FAM161A: variants seen among roughly 807,000 people sequenced by gnomAD.
The protein encoded by FAM161A is FAM161 centrosomal protein A.
In FAM161A, 57 loss-of-function variants were observed where a neutral mutation model predicts 70.9. That is an observed-to-expected ratio of 0.80 (90% CI 0.65 to 1.00). The LOEUF (loss-of-function observed/expected upper bound fraction) is 1.00, where lower values mean the gene tolerates loss of function less well. FAM161A is among the 50% of genes least tolerant of loss of function. The pLI is 0.00. For synonymous variants in FAM161A, 299 were observed against 295.7 expected (o/e 1.01, Z -0.12); for missense variants, 880 against 836.0 (o/e 1.05, Z -0.65).
At chr2:61,801,369 C>CTT in the FAM161A span, among the ~76,000 whole-genome samples, 1 of 151,174 alleles carries the variant, frequency 6.6e-6, no homozygotes, top group Non-Finnish European at 1.5e-5. Context: ...TGGTAGCAGG[C>CTT]GCCTGTAATC....
Position 61,836,051 on chromosome 2 carries a change from T to C in FAM161A, c.1810A>G (p.Lys604Glu). 6.2e-7 allele frequency: 1 copy of C among 1,611,954 alleles called. No homozygotes were observed. Among genetic ancestry groups the C allele is most frequent in the South Asian group, 1.1e-5 (1 of 90,278 alleles). ...AATAGCAGTGGCCTCTTTTTTAATTTTTCTTCTCTTTCTTCTAGTTCTCGT... is the reference window on the plus strand; with the variant it reads ...AATAGCAGTGGCCTCTTTTTTAATTCTTCTTCTCTTTCTTCTAGTTCTCGT... ...YQRELEEREE[K>E]LKKRPLLFER... Residue 604 changes from lysine (K) to glutamate (E), a missense_variant, in exon 5 of 7, where the codon AAA becomes GAA. Physicochemically the swap from Lys to Glu is moderately conservative, Grantham distance 56. Transcript: ENST00000404929.
At chr2:61,807,537 C>A in the FAM161A span, among the ~76,000 whole-genome samples, 2 of 151,134 alleles carry the variant, frequency 1.3e-5, no homozygotes, top group Non-Finnish European at 2.9e-5. Context: ...AGCTCAGATG[C>A]TTGCTGGGCC....
chr2:61,808,562 G>T, the FAM161A span, among the ~76,000 whole-genome samples: 1 of 152,158 alleles, frequency 6.6e-6, no homozygotes, highest in African/African-American at 2.4e-5. Flanking sequence ...ATGAGCCACC[G>T]TGCCTGGCCG....
the FAM161A span, among the ~76,000 whole-genome samples, chr2:61,810,767 C>T: frequency 2.0e-5 from 3 of 152,014 alleles, no homozygotes; most frequent in Admixed American, 2.0e-4. Context: ...CCCTGGTCCC[C>T]AGCACTTCTG....
chr2:61,830,683 C>CAAAAA (rs10633119), intron 5 of FAM161A, among the ~76,000 whole-genome samples: 5 of 82,106 alleles, frequency 6.1e-5, no homozygotes, highest in Non-Finnish European at 8.9e-5. Flanking sequence ...GACCCTGTCT[C>CAAAAA]AAAAAAAAAA....
intron 5 of FAM161A, among the ~76,000 whole-genome samples, chr2:61,830,751 T>TC (rs1033984346): frequency 2.5e-4 from 37 of 147,116 alleles, no homozygotes; most frequent in Non-Finnish European, 3.9e-4. Flanking sequence ...CAAATGATCC[T>TC]CCCCCCCTCA....
chr2:61,802,517 G>C, the FAM161A span, among the ~76,000 whole-genome samples: 1 of 152,070 alleles, frequency 6.6e-6, no homozygotes, highest in Non-Finnish European at 1.5e-5. Context: ...ACCGTAAAGT[G>C]CTTTTTTATT....
chr2:61,853,744 T>C (rs1162595301), intron 1 of FAM161A, 115 bp downstream of exon 1: 2 of 1,134,966 alleles, frequency 1.8e-6, no homozygotes, highest in African/African-American at 3.1e-5. Flanking sequence ...GTAGGGACTA[T>C]GTGCACAGGG....
chr2:61,848,566 C>T (rs1020078607), intron 1 of FAM161A, among the ~76,000 whole-genome samples: 1 of 151,648 alleles, frequency 6.6e-6, no homozygotes, highest in African/African-American at 2.4e-5. Flanking sequence ...CCTAGATTGG[C>T]TTGACCCATT....
intron 5 of FAM161A, among the ~76,000 whole-genome samples, chr2:61,832,777 G>A (rs560047261): frequency 6.6e-6 from 1 of 152,270 alleles, no homozygotes; most frequent in African/African-American, 2.4e-5. Flanking sequence ...ATGATGTGAG[G>A]TGGAACAGTT....
At chr2:61,804,138 C>T in the FAM161A span, among the ~76,000 whole-genome samples, 29 of 152,178 alleles carry the variant, frequency 1.9e-4, no homozygotes, top group African/African-American at 4.6e-4. Context: ...AACTTCCTGA[C>T]GTTGCCATGG....
downstream of FAM161A, among the ~76,000 whole-genome samples, chr2:61,819,952 C>G (rs542297302): frequency 6.6e-6 from 1 of 152,012 alleles, no homozygotes; most frequent in Non-Finnish European, 1.5e-5. Context: ...ATTTTTTCCT[C>G]ATAGAGGATA....
intron 1 of FAM161A, among the ~76,000 whole-genome samples, chr2:61,848,221 A>G (rs1193170811): frequency 1.3e-5 from 2 of 152,220 alleles, no homozygotes; most frequent in Non-Finnish European, 2.9e-5. Flanking sequence ...AAGAATGAGT[A>G]GCTTCTGAAA....
At chr2:61,813,718 CAAAA>C in the FAM161A span, among the ~76,000 whole-genome samples, 2 of 87,008 alleles carry the variant, frequency 2.3e-5, no homozygotes, top group Admixed American at 1.4e-4. Flanking sequence ...GACCCTGTCT[CAAAA>C]AAAAAAAAAA....
At chr2:61,811,545 C>T in the FAM161A span, among the ~76,000 whole-genome samples, 5 of 152,058 alleles carry the variant, frequency 3.3e-5, no homozygotes, top group East Asian at 3.9e-4. Flanking sequence ...TGCTAATTTT[C>T]GTATTTTTAG....
chr2:61,806,564 A>G, the FAM161A span, among the ~76,000 whole-genome samples: 1 of 151,918 alleles, frequency 6.6e-6, no homozygotes, highest in African/African-American at 2.4e-5. Context: ...CACAGATGAA[A>G]CTTTCTTATT....
intron 1 of FAM161A, among the ~76,000 whole-genome samples, chr2:61,852,194 T>A (rs898627750): frequency 3.3e-5 from 5 of 151,962 alleles, no homozygotes; most frequent in Non-Finnish European, 5.9e-5. Flanking sequence ...TTTTGTAGGA[T>A]CCTGTCCTTT....
chr2:61,825,650 T>G lies in FAM161A; in HGVS notation c.*805A>C, dbSNP rs979007225. On this transcript the variant is annotated 3_prime_UTR_variant, in exon 7 of 7. Coordinates refer to ENST00000404929, the MANE Select transcript of FAM161A (RefSeq NM_001201543.2). ...CATTTTTTTCTATACTTTTTTTTTT[T>G]TTTTGGAGACGGAGTCTCGCTCTGT... The G allele has an allele frequency of 2.1e-5, 9 of 430,574 alleles. No homozygotes were observed. In the Admixed American group the frequency reaches 2.5e-4, roughly 12 times the overall value. 26.7% of individuals were successfully genotyped at this position (430,574 alleles called of 1,614,324 possible). A position where few individuals can be genotyped will look rare whatever the true frequency, so the allele number is the denominator to read the frequency against.
chr2:61,827,264 G>T lies in FAM161A; in HGVS notation c.1852-6C>A. On this transcript the variant is annotated splice_region_variant and splice_polypyrimidine_tract_variant and intron_variant, in intron 5 of 6. Coordinates refer to ENST00000404929, the MANE Select transcript of FAM161A (RefSeq NM_001201543.2). ...GCTGCCATTCTTGCATTTTTCTATA[G>T]GAAAGACAAACCTTTTTAGACGAGA... 6.2e-7 allele frequency: 1 copy of T among 1,612,340 alleles called. No homozygotes were observed. Among genetic ancestry groups the T allele is most frequent in the Non-Finnish European group, 8.5e-7 (1 of 1,179,828 alleles).
Sources: gnomAD v4.1 joint callset for allele counts (sites outside exome capture counted in the v4.1 genomes callset) on GRCh38, gnomAD v4.1.1 for gene constraint, MANE v1.5 for transcripts, NCBI Gene and HGNC (gene_info 2026-07-23, HGNC 2026-07-21) for gene names.